Variants in CMIP observed in about 807,000 individuals in gnomAD.
The protein encoded by CMIP is c-Maf inducing protein.
CMIP carries 13 observed loss-of-function variants against 97.3 expected under a neutral mutation model. That is an observed-to-expected ratio of 0.13 (90% CI 0.09 to 0.21). The LOEUF is 0.21. Ranked by LOEUF, CMIP falls within the 10% of genes least tolerant of loss-of-function variation. The pLI, the probability that CMIP is intolerant of heterozygous loss-of-function variation, is 1.00. For missense variants in CMIP, 847 were observed against 1,024.9 expected (o/e 0.83, Z 2.37); for synonymous variants, 538 against 436.3 (o/e 1.23, Z -2.91).
chr16:81,707,281 T>TG (rs1908256157), intron 20 of CMIP, among the ~76,000 whole-genome samples, 197 bp downstream of exon 20: 1 of 152,212 alleles, frequency 6.6e-6, no homozygotes, highest in African/African-American at 2.4e-5. Flanking sequence ...GGAAGGCCTG[T>TG]GTGGCCTGGG....
chr16:81,557,293 G>GTGTTGGTTGAATTTACTGA (rs141228569), intron 1 of CMIP, among the ~76,000 whole-genome samples: 1 of 146,726 alleles, frequency 6.8e-6, no homozygotes, highest in Non-Finnish European at 1.5e-5. Context: ...GAATTCACTC[G>GTGTTGGTTGAATTTACTGA]TGTTGGTTGA....
At chr16:81,613,680 T>C (rs559814872) in intron 2 of CMIP, among the ~76,000 whole-genome samples, 23 of 152,106 alleles carry the variant, frequency 1.5e-4, no homozygotes, top group Non-Finnish European at 2.5e-4. Context: ...TCAAATACAG[T>C]TTGGGGAAGA....
At chr16:81,509,166 G>C (rs552765563) in intron 1 of CMIP, among the ~76,000 whole-genome samples, 2 of 152,230 alleles carry the variant, frequency 1.3e-5, no homozygotes, top group African/African-American at 4.8e-5. Flanking sequence ...CACCAACACC[G>C]TGTGCTCCCC....
At chr16:81,690,798 C>T (rs1004786190) in intron 10 of CMIP, among the ~76,000 whole-genome samples, 1 of 152,166 alleles carries the variant, frequency 6.6e-6, no homozygotes, top group African/African-American at 2.4e-5. Context: ...TAGTGGCGCA[C>T]GCCTATAATC....
intron 1 of CMIP, among the ~76,000 whole-genome samples, chr16:81,600,524 T>G (rs1051971933): frequency 6.6e-6 from 1 of 152,170 alleles, no homozygotes; most frequent in Non-Finnish European, 1.5e-5. Context: ...TTATGTGACA[T>G]GTCCAGAACA....
At chr16:81,581,681 G>A (rs1176214847) in intron 1 of CMIP, among the ~76,000 whole-genome samples, 1 of 152,110 alleles carries the variant, frequency 6.6e-6, no homozygotes, top group Non-Finnish European at 1.5e-5. Flanking sequence ...TAGGAATAGT[G>A]CTATCCTTAT....
At chr16:81,467,491 C>T (rs978852742) in intron 1 of CMIP, among the ~76,000 whole-genome samples, 5 of 152,158 alleles carry the variant, frequency 3.3e-5, no homozygotes, top group Non-Finnish European at 5.9e-5. Flanking sequence ...GGCATTTATA[C>T]CCCAGGTTTG....
In CMIP at chr16:81,453,326, G is replaced by C. The variant is rs761750694; in HGVS notation, c.300+7785G>C. Among the ~76,000 whole-genome samples, 2 of 152,206 alleles carry C rather than the reference G, an allele frequency of 1.3e-5. No individual in the cohort carries two copies. The highest frequency in any genetic ancestry group is 2.9e-5 in the Non-Finnish European group (2 of 68,020). On this transcript the variant is annotated intron_variant, in intron 1 of 20. Coordinates refer to ENST00000537098, the MANE Select transcript of CMIP (RefSeq NM_198390.3). The surrounding 1 kb of genome is among the most constrained non-coding windows in gnomAD (Gnocchi z 4.0). The stretch of plus-strand genomic sequence containing the variant: ...ATCGTCTGGTCCCTGGTGGATATAG[G>C]ATTTGAGTGTATGGAATCAAACAGC...
intron 1 of CMIP, among the ~76,000 whole-genome samples, chr16:81,552,878 G>T (rs2090687027): frequency 6.6e-6 from 1 of 152,182 alleles, no homozygotes; most frequent in Admixed American, 6.5e-5. Flanking sequence ...GAGTGCACAA[G>T]AGGAATGAGG....
chr16:81,551,321 G>GA lies in CMIP; in HGVS notation c.301-56245dup, dbSNP rs1396119552. Among the ~76,000 whole-genome samples the GA allele has an allele frequency of 5.9e-5, 9 of 152,328 alleles. No individual in the cohort carries two copies. In the East Asian group the frequency reaches 1.7e-3, roughly 29 times the overall value. ...CAACCAAAAGCCAGGAAAATGGGGG[G>GA]ATTTCCTCTGCCTCCCAACTGTTTT... On this transcript the variant is annotated intron_variant, in intron 1 of 20. Coordinates refer to ENST00000537098, the MANE Select transcript of CMIP (RefSeq NM_198390.3).
intron 1 of CMIP, among the ~76,000 whole-genome samples, chr16:81,472,726 G>A (rs1907633555): frequency 6.6e-6 from 1 of 152,226 alleles, no homozygotes; most frequent in South Asian, 2.1e-4. Flanking sequence ...TGGCCTGGAG[G>A]CAGGAGCTGA....
chr16:81,512,741 TA>T (rs2089837763), intron 1 of CMIP, among the ~76,000 whole-genome samples: 1 of 152,092 alleles, frequency 6.6e-6, no homozygotes, highest in South Asian at 2.1e-4. Flanking sequence ...ATAATTAAAA[TA>T]ATAATTTTTT....
intron 1 of CMIP, among the ~76,000 whole-genome samples, chr16:81,494,847 A>G (rs529909090): frequency 6.6e-6 from 1 of 152,190 alleles, no homozygotes; most frequent in African/African-American, 2.4e-5. Flanking sequence ...AATAACTGCC[A>G]TTTATCAAGA....
chr16:81,581,999 G>A (rs1028059300), intron 1 of CMIP, among the ~76,000 whole-genome samples: 10 of 152,190 alleles, frequency 6.6e-5, no homozygotes, highest in Admixed American at 5.2e-4. Flanking sequence ...GAGGCCTCAG[G>A]TGGAAGGCAA....
rs764644023 is a variant in CMIP, at chr16:81,701,641, C to T, written c.1756-19C>T. On this transcript the variant is annotated intron_variant, in intron 15 of 20. Transcript: ENST00000537098. ...GGTGGCAGGCCGGGTCCGTAATGCA[C>T]CCCTGCGGTTCTGGACAGATCCTGT... 9.3e-6 allele frequency: 15 copies of T among 1,613,712 alleles called. No homozygotes were observed. The highest frequency in any genetic ancestry group is 2.2e-5 in the South Asian group (2 of 91,086).
chr16:81,625,013 T>C (rs902871635), intron 3 of CMIP, among the ~76,000 whole-genome samples: 1 of 152,244 alleles, frequency 6.6e-6, no homozygotes, highest in Non-Finnish European at 1.5e-5. Flanking sequence ...TCTGTTCTTA[T>C]CAACATTTGC....
chr16:81,494,626 G>T (rs1040976647), intron 1 of CMIP, among the ~76,000 whole-genome samples: 2 of 152,130 alleles, frequency 1.3e-5, no homozygotes, highest in Non-Finnish European at 2.9e-5. Flanking sequence ...GGGACCCCCG[G>T]GGCCGCCCCC....
At chr16:81,588,270 G>C (rs1322983334) in intron 1 of CMIP, among the ~76,000 whole-genome samples, 3 of 152,226 alleles carry the variant, frequency 2.0e-5, no homozygotes, top group Non-Finnish European at 4.4e-5. Context: ...GCCAGAAAAA[G>C]TACCCAAGTC....
At chr16:81,535,161 A>C (rs2090317162) in intron 1 of CMIP, among the ~76,000 whole-genome samples, 1 of 152,188 alleles carries the variant, frequency 6.6e-6, no homozygotes, top group African/African-American at 2.4e-5. Context: ...TGTGTTAGCC[A>C]GGATGGTCTC....
Sources: gnomAD v4.1 joint callset for allele counts (sites outside exome capture counted in the v4.1 genomes callset) on GRCh38, gnomAD v4.1.1 for gene constraint, Gnocchi (gnomAD v3.1) non-coding constraint, MANE v1.5 for transcripts, NCBI Gene and HGNC (gene_info 2026-07-23, HGNC 2026-07-21) for gene names.